The following AIG1 variants were observed in gnomAD, a reference collection of about 807,000 sequenced individuals.
AIG1 encodes the protein androgen-induced gene 1 protein.
In AIG1, 23 loss-of-function variants were observed where a neutral mutation model predicts 31.4. The observed-to-expected ratio is 0.73, with a 90% CI of 0.53 to 1.04. The LOEUF is 1.04. AIG1 is among the 50% of genes least tolerant of loss of function. AIG1 has a pLI of 0.00. For missense variants in AIG1, 274 were observed against 295.0 expected (o/e 0.93, Z 0.52); for synonymous variants, 100 against 110.5 (o/e 0.90, Z 0.60).
chr6:143,082,523 T>G (rs537802999), intron 1 of AIG1, among the ~76,000 whole-genome samples: 1 of 152,344 alleles, frequency 6.6e-6, no homozygotes, highest in East Asian at 1.9e-4. Context: ...CAAACGGTTG[T>G]CTGACAGCCA....
upstream of AIG1, chr6:143,060,561 A>T (rs987450106): frequency 4.2e-5 from 15 of 361,386 alleles, no homozygotes; most frequent in Non-Finnish European, 8.5e-5. Flanking sequence ...CCCTCGTAGC[A>T]CTCAGAGGTC....
intron 3 of AIG1, among the ~76,000 whole-genome samples, chr6:143,224,244 A>C (rs1792763977): frequency 1.3e-5 from 2 of 152,114 alleles, no homozygotes; most frequent in South Asian, 4.1e-4. Flanking sequence ...CACACATCCA[A>C]ACCGGAACTC....
At chr6:143,213,917 A>G (rs1375185208) in intron 3 of AIG1, among the ~76,000 whole-genome samples, 1 of 152,212 alleles carries the variant, frequency 6.6e-6, no homozygotes, top group Non-Finnish European at 1.5e-5. Context: ...GTCTATTTTG[A>G]TAATTCTTAT....
chr6:143,259,725 G>C (rs1795616952), intron 3 of AIG1, among the ~76,000 whole-genome samples: 1 of 152,148 alleles, frequency 6.6e-6, no homozygotes, highest in South Asian at 2.1e-4. Flanking sequence ...TCCCTGTTCA[G>C]TTTTACCAGC....
intron 3 of AIG1, among the ~76,000 whole-genome samples, chr6:143,249,599 C>G (rs1794862050): frequency 6.6e-6 from 1 of 152,204 alleles, no homozygotes; most frequent in Non-Finnish European, 1.5e-5. Flanking sequence ...AATCTCTGCT[C>G]CTTTTTCTTC....
At chr6:143,241,254 A>G (rs1189385315) in intron 3 of AIG1, among the ~76,000 whole-genome samples, 1 of 152,234 alleles carries the variant, frequency 6.6e-6, no homozygotes, top group East Asian at 1.9e-4. Context: ...TCCTTGAGAA[A>G]CGCTGTTTCA....
At chr6:143,132,590 G>A (rs1783344531) in intron 1 of AIG1, among the ~76,000 whole-genome samples, 2 of 151,354 alleles carry the variant, frequency 1.3e-5, no homozygotes, top group African/African-American at 2.4e-5. Flanking sequence ...GAGCTTCTTG[G>A]ATCTGTGGGT....
At chr6:143,296,474 A>T (rs924677757) in intron 4 of AIG1, among the ~76,000 whole-genome samples, 2 of 152,198 alleles carry the variant, frequency 1.3e-5, no homozygotes, top group Non-Finnish European at 2.9e-5. Flanking sequence ...ATGGGAGGGT[A>T]CATGTATGTG....
chr6:143,105,161 G>A (rs937463176), intron 1 of AIG1, among the ~76,000 whole-genome samples: 15 of 152,140 alleles, frequency 9.9e-5, no homozygotes, highest in Admixed American at 1.3e-4. Flanking sequence ...GTGTGGTCAA[G>A]CCAGGGTAAG....
chr6:143,062,195 A>G (rs1479706708), intron 1 of AIG1, among the ~76,000 whole-genome samples: 4 of 152,126 alleles, frequency 2.6e-5, no homozygotes, highest in African/African-American at 7.2e-5. Context: ...TAAAAATAAC[A>G]CCTTATATTT....
intron 2 of AIG1, among the ~76,000 whole-genome samples, chr6:143,153,810 C>T (rs1042717131): frequency 6.6e-6 from 1 of 152,012 alleles, no homozygotes; most frequent in Non-Finnish European, 1.5e-5. Context: ...CACATTTACT[C>T]GCCAAAACTT....
At chr6:143,342,650 A>T, downstream of AIG1, 1 of 1,210,384 alleles carries the variant, frequency 8.3e-7, no homozygotes, top group Non-Finnish European at 1.2e-6. Flanking sequence ...TTTTGATGGC[A>T]TAAAAGCTGA....
In AIG1 at chr6:143,279,791, C is replaced by T. The variant is rs561188170; in HGVS notation, c.400-4319C>T. ...TTGGACACAATCTTCCAAATGATAG[C>T]TCCTCATTAAAACTAGCTAAAATGG... is the stretch of plus-strand genomic sequence containing the variant. On this transcript the variant is annotated intron_variant, in intron 3 of 5. Transcript: ENST00000357847. The surrounding 1 kb of genome is among the most constrained non-coding windows in gnomAD (Gnocchi z 5.4). Among the ~76,000 whole-genome samples the T allele has an allele frequency of 6.6e-6, 1 of 152,264 alleles. No homozygotes were observed. The highest frequency in any genetic ancestry group is 1.9e-4 in the East Asian group (1 of 5,178).
chr6:143,189,174 G>A, intron 3 of AIG1: 10 of 471,676 alleles, frequency 2.1e-5, no homozygotes, highest in Non-Finnish European at 2.8e-5. Flanking sequence ...CCCCCAAGTA[G>A]CTGGGACCAC....
At chr6:143,063,429 A>T (rs1776427608) in intron 1 of AIG1, among the ~76,000 whole-genome samples, 1 of 152,190 alleles carries the variant, frequency 6.6e-6, no homozygotes. Flanking sequence ...AGTATGTCTG[A>T]GATATATTCA....
At position 143,334,230 on chromosome 6, in the gene AIG1, G is replaced by A. The variant is rs1777303770; in HGVS notation, c.679+785G>A. 2.3e-6 allele frequency: 2 copies of A among 865,898 alleles called. No individual in the cohort carries two copies. The highest frequency in any genetic ancestry group is 3.0e-5 in the Admixed American group (1 of 33,060). The allele number at this position is 865,898 out of a possible 1,614,324, so 53.6% of individuals were successfully genotyped here. A position where few individuals can be genotyped will look rare whatever the true frequency, so the allele number is the denominator to read the frequency against. ...TGCATGAAAATACATCCAAAGGCAA[G>A]ATGGTTTGGAGATTTTAGGAAGCCC... On this transcript the variant is annotated intron_variant, in intron 5 of 5. Coordinates refer to ENST00000357847, the MANE Select transcript of AIG1 (RefSeq NM_016108.4). The surrounding 1 kb of genome is among the most constrained non-coding windows in gnomAD (Gnocchi z 5.1).
intron 4 of AIG1, among the ~76,000 whole-genome samples, chr6:143,307,234 T>C (rs935813495): frequency 2.6e-5 from 4 of 152,244 alleles, no homozygotes; most frequent in South Asian, 2.1e-4. Flanking sequence ...CTTTGTTCTG[T>C]TGCTGGTGAG....
intron 1 of AIG1, among the ~76,000 whole-genome samples, chr6:143,108,829 G>A (rs1357405752): frequency 6.6e-6 from 1 of 152,072 alleles, no homozygotes; most frequent in Admixed American, 6.6e-5. Flanking sequence ...CTGTTTATTT[G>A]TATATTTTTA....
chr6:143,153,117 G>A (rs1785395544), intron 2 of AIG1, among the ~76,000 whole-genome samples: 1 of 152,120 alleles, frequency 6.6e-6, no homozygotes, highest in African/African-American at 2.4e-5. Flanking sequence ...CTGGCATTCT[G>A]GGGAAGGATT....
Sources: allele counts gnomAD v4.1 joint callset (sites outside exome capture counted in the v4.1 genomes callset), GRCh38; gene constraint gnomAD v4.1.1; non-coding constraint Gnocchi (gnomAD v3.1); transcripts MANE v1.5; gene names NCBI Gene and HGNC (gene_info 2026-07-23, HGNC 2026-07-21).